The following IQGAP2 variants were observed in gnomAD, a reference collection of about 807,000 sequenced individuals.
IQGAP2 encodes the protein IQ motif containing GTPase activating protein 2.
IQGAP2 carries 173 observed loss-of-function variants against 201.3 expected under a neutral mutation model. That is an observed-to-expected ratio of 0.86 (90% CI 0.76 to 0.98). The LOEUF (loss-of-function observed/expected upper bound fraction) is 0.98, where lower values mean the gene tolerates loss of function less well. IQGAP2 is among the 50% of genes least tolerant of loss of function. The pLI is 0.00. For synonymous variants in IQGAP2, 675 were observed against 673.9 expected, an observed-to-expected ratio of 1.00 and a Z score of -0.03; for missense variants, 1,687 against 1,864.8, an observed-to-expected ratio of 0.90 and a Z score of 1.76.
intron 26 of IQGAP2, 58 bp downstream of exon 26, chr5:76,674,094 C>T: frequency 1.1e-6 from 1 of 937,384 alleles, no homozygotes; most frequent in Non-Finnish European, 1.8e-6. Flanking sequence ...ATCAAAATTA[C>T]CAACATATAA....
chr5:76,511,976 G>A (rs1043909826), intron 2 of IQGAP2, among the ~76,000 whole-genome samples: 7 of 152,284 alleles, frequency 4.6e-5, no homozygotes, highest in East Asian at 3.9e-4. Context: ...CACCGCGCCA[G>A]GCCTTAAATG....
intron 23 of IQGAP2, among the ~76,000 whole-genome samples, chr5:76,670,523 A>G (rs556371269): frequency 6.6e-6 from 1 of 152,314 alleles, no homozygotes; most frequent in East Asian, 1.9e-4. Flanking sequence ...CAAAAAATAA[A>G]ATAAACAAAA....
intron 33 of IQGAP2, among the ~76,000 whole-genome samples, chr5:76,699,650 TCTCTCTCTCTCA>T (rs1310389836): frequency 3.3e-4 from 39 of 118,046 alleles, no homozygotes; most frequent in Middle Eastern, 4.3e-3. Context: ...TCTCTCTCTC[TCTCTCTCTCTCA>T]CTCTCGTGCT....
chr5:76,484,461 C>T (rs547913610), intron 2 of IQGAP2, among the ~76,000 whole-genome samples: 1 of 152,184 alleles, frequency 6.6e-6, no homozygotes, highest in African/African-American at 2.4e-5. Context: ...GGGGTGTTCC[C>T]CCATCATGTT....
At chr5:76,669,826 CT>C (rs1744132300) in intron 23 of IQGAP2, among the ~76,000 whole-genome samples, 1 of 152,016 alleles carries the variant, frequency 6.6e-6, no homozygotes, top group Non-Finnish European at 1.5e-5. Context: ...GCTCTATTTG[CT>C]TTTTGGGGAT....
chr5:76,561,786 A>T (rs1744388274), intron 2 of IQGAP2, among the ~76,000 whole-genome samples: 1 of 152,180 alleles, frequency 6.6e-6, no homozygotes, highest in Non-Finnish European at 1.5e-5. Flanking sequence ...TTTTTTTCAG[A>T]ACCCATTAAG....
At chr5:76,435,545 T>G (rs918823744) in intron 1 of IQGAP2, among the ~76,000 whole-genome samples, 1 of 152,218 alleles carries the variant, frequency 6.6e-6, no homozygotes, top group Non-Finnish European at 1.5e-5. Context: ...TTGGTCTGTG[T>G]ATCTACTTTT....
At chr5:76,609,120 G>A (rs1487735184) in intron 12 of IQGAP2, 1 of 1,535,790 alleles carries the variant, frequency 6.5e-7, no homozygotes, top group Non-Finnish European at 8.7e-7. Context: ...TAGAAACGCA[G>A]CAGACAGCAA....
At chr5:76,636,444 G>A (rs141823625) in intron 15 of IQGAP2, among the ~76,000 whole-genome samples, 2,203 of 152,212 alleles carry the variant, frequency 0.014, 24 homozygotes, top group Non-Finnish European at 0.022. Context: ...CTCATTTCTT[G>A]TGGTTGCACA....
At chr5:76,603,640 C>T (rs915385652) in intron 11 of IQGAP2, among the ~76,000 whole-genome samples, 1 of 152,028 alleles carries the variant, frequency 6.6e-6, no homozygotes, top group African/African-American at 2.4e-5. Context: ...GAATTTTTGT[C>T]GTCTTACCCA....
At chr5:76,439,752 A>G (rs1752927628) in intron 1 of IQGAP2, among the ~76,000 whole-genome samples, 1 of 152,086 alleles carries the variant, frequency 6.6e-6, no homozygotes, top group Admixed American at 6.6e-5. Context: ...TGTATGTTAG[A>G]TAAGTCTTTT....
chr5:76,700,716 G>A (rs868022406), intron 33 of IQGAP2, among the ~76,000 whole-genome samples: 9 of 152,200 alleles, frequency 5.9e-5, no homozygotes, highest in Admixed American at 2.6e-4. Context: ...AACAGTCCTA[G>A]TAATATCGTT....
intron 12 of IQGAP2, 108 bp from the exon 13 acceptor site, chr5:76,610,912 C>A: frequency 1.3e-6 from 1 of 786,418 alleles, no homozygotes; most frequent in Non-Finnish European, 2.0e-6. Context: ...TTGCATCTTG[C>A]ATCCTATAGC....
At chr5:76,699,068 CA>C (rs942665713) in intron 33 of IQGAP2, among the ~76,000 whole-genome samples, 1 of 151,002 alleles carries the variant, frequency 6.6e-6, no homozygotes, top group Non-Finnish European at 1.5e-5. Flanking sequence ...CAATAGATTT[CA>C]AAAAAAAACT....
intron 13 of IQGAP2, among the ~76,000 whole-genome samples, chr5:76,620,772 AAAATCGGAAGATG>A (rs1438363362): frequency 6.6e-6 from 1 of 152,196 alleles, no homozygotes; most frequent in East Asian, 1.9e-4. Flanking sequence ...CAAAGGAGGA[AAAATCGGAAGATG>A]AAATCGGTAT....
At chr5:76,564,420 C>A (rs986571152) in intron 3 of IQGAP2, among the ~76,000 whole-genome samples, 1 of 152,192 alleles carries the variant, frequency 6.6e-6, no homozygotes, top group Non-Finnish European at 1.5e-5. Flanking sequence ...TACAGATTTT[C>A]TTTTGGCTTT....
Position 76,590,410 on chromosome 5 carries a change from C to G in IQGAP2, c.643C>G (p.His215Asp), listed in dbSNP as rs201525266. Residue 215 changes from histidine to aspartate, a missense_variant and splice_region_variant, in exon 8 of 36, where the codon CAT becomes GAT. By Grantham distance (81) the His-to-Asp change is moderately conservative (BLOSUM62 -1). Transcript: ENST00000274364. ...CTCTCTCTCTCTTTACTTTTTAGTA[C>G]ATGCTGCAGTTATAGCCATTAATGA... ...NELSVDEAAL[H>D]AAVIAINEAV... 98 of 1,584,636 alleles carry G rather than the reference C, an allele frequency of 6.2e-5. No individual in the cohort carries two copies. Among genetic ancestry groups the G allele is most frequent in the Non-Finnish European group, 1.7e-6 (2 of 1,166,632 alleles).
At chr5:76,632,978 G>C (rs1366536541) in intron 15 of IQGAP2, among the ~76,000 whole-genome samples, 1 of 152,086 alleles carries the variant, frequency 6.6e-6, no homozygotes, top group Non-Finnish European at 1.5e-5. Flanking sequence ...GGTCACCCTT[G>C]AGTCCCTCTC....
At chr5:76,466,517 G>A (rs1367021643) in intron 2 of IQGAP2, among the ~76,000 whole-genome samples, 1 of 152,180 alleles carries the variant, frequency 6.6e-6, no homozygotes. Context: ...GATCAATAGA[G>A]TAGATTTGAG....
Sources: gnomAD v4.1 joint callset for allele counts (sites outside exome capture counted in the v4.1 genomes callset) on GRCh38, gnomAD v4.1.1 for gene constraint, MANE v1.5 for transcripts, NCBI Gene and HGNC (gene_info 2026-07-23, HGNC 2026-07-21) for gene names.